EPHA3: variants seen among roughly 807,000 people sequenced by gnomAD.
EPHA3 encodes the protein ephrin type-A receptor 3.
A neutral mutation model predicts 107.1 loss-of-function variants in EPHA3; 42 were observed. The observed-to-expected ratio is 0.39, with a 90% CI of 0.31 to 0.51. EPHA3 has a LOEUF of 0.51. EPHA3 is among the 20% of genes least tolerant of loss of function. EPHA3 has a pLI of 0.78. For synonymous variants in EPHA3, 461 were observed against 424.8 expected, an observed-to-expected ratio of 1.09 and a Z score of -1.05; for missense variants, 1,183 against 1,211.2, an observed-to-expected ratio of 0.98 and a Z score of 0.35.
At chr3:89,342,308 C>T (rs1463300242) in intron 5 of EPHA3, among the ~76,000 whole-genome samples, 1 of 151,982 alleles carries the variant, frequency 6.6e-6, no homozygotes, top group African/African-American at 2.4e-5. Context: ...AGTTTATACC[C>T]ATTGTTTCCC....
chr3:89,180,048 A>G lies in EPHA3; in HGVS notation c.154-29812A>G, dbSNP rs536221332. On this transcript the variant is annotated intron_variant, in intron 2 of 16. Transcript: ENST00000336596. Reference sequence around the variant, plus strand: ...AATTTCTGTTATAAAAGGTTAAAACAAAATGCTGTAATCTGTAGTTGAGGG... The same window carrying G: ...AATTTCTGTTATAAAAGGTTAAAACGAAATGCTGTAATCTGTAGTTGAGGG... Among the ~76,000 whole-genome samples, 19 of 152,180 alleles carry G rather than the reference A, an allele frequency of 1.2e-4. 2 individuals are homozygous for G. Among genetic ancestry groups the G allele is most frequent in the African/African-American group, 4.6e-4 (19 of 41,552 alleles).
chr3:89,353,610 T>C (rs1352535468), intron 5 of EPHA3, among the ~76,000 whole-genome samples: 1 of 151,352 alleles, frequency 6.6e-6, no homozygotes, highest in African/African-American at 2.4e-5. Flanking sequence ...TCTGGGAATG[T>C]CACTGTGCAG....
In EPHA3 at chr3:89,309,860, A is replaced by G. The variant is rs145971235; in HGVS notation, c.815-31056A>G. The stretch of plus-strand genomic sequence containing the variant: ...ATTCCTTCTTTCTTCTCTTTTCACA[A>G]TAAAATGCCACCCCCCACCCCCCAC... On this transcript the variant is annotated intron_variant, in intron 3 of 16. Coordinates refer to ENST00000336596, the MANE Select transcript of EPHA3 (RefSeq NM_005233.6). 5.1e-3 allele frequency among the ~76,000 whole-genome samples: 781 copies of G among 151,964 alleles called. 9 individuals are homozygous for G. Among genetic ancestry groups the G allele is most frequent in the Non-Finnish European group, 8.1e-3 (547 of 67,926 alleles).
Position 89,230,830 on chromosome 3 carries a change from A to G in EPHA3, c.814+20310A>G, listed in dbSNP as rs534948121. Among the ~76,000 whole-genome samples, 11 of 145,714 alleles carry G rather than the reference A, an allele frequency of 7.5e-5. No individual in the cohort carries two copies. In the South Asian group the frequency reaches 2.3e-3, roughly 31 times the overall value. On this transcript the variant is annotated intron_variant, in intron 3 of 16. Transcript: ENST00000336596. ...CCCTCTCTCTCTCTCTCTCTCACACACACACACACACACACACACACACAC... is the reference window on the plus strand; with the variant it reads ...CCCTCTCTCTCTCTCTCTCTCACACGCACACACACACACACACACACACAC...
chr3:89,390,159 T>A (rs746863479), intron 5 of EPHA3, among the ~76,000 whole-genome samples: 2 of 152,048 alleles, frequency 1.3e-5, no homozygotes, highest in Non-Finnish European at 2.9e-5. Context: ...AACCAGCTAA[T>A]TTTTGAATTT....
At chr3:89,221,045 G>T (rs1704360230) in intron 3 of EPHA3, among the ~76,000 whole-genome samples, 1 of 152,146 alleles carries the variant, frequency 6.6e-6, no homozygotes, top group Non-Finnish European at 1.5e-5. Flanking sequence ...GGTTCAACTG[G>T]AATTTGAATG....
chr3:89,422,346 C>A (rs1709367301), intron 11 of EPHA3, among the ~76,000 whole-genome samples: 1 of 150,860 alleles, frequency 6.6e-6, no homozygotes, highest in Admixed American at 6.7e-5. Flanking sequence ...TCTATACATG[C>A]ACACATGCAC....
At chr3:89,277,581 A>G (rs138956817) in intron 3 of EPHA3, among the ~76,000 whole-genome samples, 1 of 152,114 alleles carries the variant, frequency 6.6e-6, no homozygotes, top group Non-Finnish European at 1.5e-5. Context: ...GCATTTAAAG[A>G]TATGTCACTG....
At chr3:89,278,781 C>G (rs1180402663) in intron 3 of EPHA3, among the ~76,000 whole-genome samples, 1 of 152,006 alleles carries the variant, frequency 6.6e-6, no homozygotes, top group African/African-American at 2.4e-5. Context: ...GCCCATTGCC[C>G]CAGAGGTTTG....
At chr3:89,195,553 A>G (rs1705819089) in intron 2 of EPHA3, among the ~76,000 whole-genome samples, 1 of 152,122 alleles carries the variant, frequency 6.6e-6, no homozygotes, top group Admixed American at 6.5e-5. Context: ...CCTCAGAGTC[A>G]TTTTCAGGTT....
chr3:89,328,044 G>T (rs1364259634), intron 3 of EPHA3, among the ~76,000 whole-genome samples: 1 of 151,906 alleles, frequency 6.6e-6, no homozygotes, highest in Non-Finnish European at 1.5e-5. Context: ...GTTGCAGTCA[G>T]CCGAGATCAT....
intron 3 of EPHA3, among the ~76,000 whole-genome samples, chr3:89,225,552 CA>C (rs1423541759): frequency 6.6e-6 from 1 of 152,074 alleles, no homozygotes; most frequent in Non-Finnish European, 1.5e-5. Context: ...AAGAAAGTTG[CA>C]TTTTTTCCCC....
Position 89,431,266 on chromosome 3 carries a change from C to A in EPHA3, c.2253C>A (p.Asn751Lys). 6.2e-7 allele frequency: 1 copy of A among 1,613,792 alleles called. No homozygotes were observed. The highest frequency in any genetic ancestry group is 8.5e-7 in the Non-Finnish European group (1 of 1,179,940). The change falls in exon 13 of 17, where the codon AAC (asparagine) becomes AAA (lysine). Residue 751 changes from asparagine to lysine, a missense_variant. Transcript: ENST00000336596. ...TTCACCGAGACCTCGCTGCTCGGAA[C>A]ATCTTGATCAACAGTAACTTGGTGT... Reference protein sequence around the residue: ...GYVHRDLAARNILINSNLVCK... With the variant: ...GYVHRDLAARKILINSNLVCK...
In EPHA3 at chr3:89,291,418, T is replaced by A. The variant is rs547192287; in HGVS notation, c.815-49498T>A. Among the ~76,000 whole-genome samples the A allele has an allele frequency of 5.9e-5, 9 of 152,254 alleles. No individual in the cohort carries two copies. In the East Asian group the frequency reaches 1.7e-3, roughly 29 times the overall value. On this transcript the variant is annotated intron_variant, in intron 3 of 16. Coordinates refer to ENST00000336596, the MANE Select transcript of EPHA3 (RefSeq NM_005233.6). Reference sequence around the variant, plus strand: ...ATTTTCAGTATTTTGGATTTCAAAGTATTATCTAGAAATTATGTAATGTGA... The same window carrying A: ...ATTTTCAGTATTTTGGATTTCAAAGAATTATCTAGAAATTATGTAATGTGA...
chr3:89,160,076 G>C (rs1413926065), intron 2 of EPHA3, among the ~76,000 whole-genome samples: 1 of 152,026 alleles, frequency 6.6e-6, no homozygotes, highest in East Asian at 1.9e-4. Context: ...TCCTAAAGCA[G>C]TATACCAAAG....
chr3:89,230,246 G>C (rs1256656291), intron 3 of EPHA3, among the ~76,000 whole-genome samples: 1 of 151,956 alleles, frequency 6.6e-6, no homozygotes, highest in Non-Finnish European at 1.5e-5. Flanking sequence ...TAATACTTAA[G>C]GTAAAATTTT....
At chr3:89,207,885 A>G (rs913289431) in intron 2 of EPHA3, among the ~76,000 whole-genome samples, 7 of 152,214 alleles carry the variant, frequency 4.6e-5, no homozygotes, top group Non-Finnish European at 8.8e-5. Context: ...GTGAATATGA[A>G]GAGACCTGCC....
chr3:89,400,620 T>G (rs1708942365), intron 7 of EPHA3, among the ~76,000 whole-genome samples: 1 of 146,722 alleles, frequency 6.8e-6, no homozygotes, highest in Non-Finnish European at 1.5e-5. Flanking sequence ...CATAATTATG[T>G]GTGTGTGTGT....
rs1417532008 is a variant in EPHA3 at position 89,352,542 on chromosome 3, A to G, written c.1306+10452A>G. Among the ~76,000 whole-genome samples, 3 of 151,188 alleles carry G rather than the reference A, an allele frequency of 2.0e-5. 1 individual carries two copies. Among genetic ancestry groups the G allele is most frequent in the Non-Finnish European group, 4.4e-5 (3 of 67,588 alleles). The stretch of plus-strand genomic sequence containing the variant: ...TTAAGAAAAGTAAATATCTTTAATA[A>G]ATGTTAAATAAACAAGATATACTTA... On this transcript the variant is annotated intron_variant, in intron 5 of 16. Coordinates refer to ENST00000336596, the MANE Select transcript of EPHA3 (RefSeq NM_005233.6).
Sources: allele counts gnomAD v4.1 joint callset (sites outside exome capture counted in the v4.1 genomes callset), GRCh38; gene constraint gnomAD v4.1.1; transcripts MANE v1.5; gene names NCBI Gene and HGNC (gene_info 2026-07-23, HGNC 2026-07-21).